Variants in POTEE observed in about 807,000 individuals in gnomAD.
POTEE encodes ANKRD26-like family C member 1A.
In POTEE, 21 loss-of-function variants were observed where a neutral mutation model predicts 74.2. The ratio of observed to expected loss-of-function variants is 0.28; its 90% CI spans 0.20 to 0.41. The LOEUF is 0.41. Ranked by LOEUF, POTEE falls within the 10% of genes least tolerant of loss-of-function variation. POTEE has a pLI of 1.00. For missense variants in POTEE, 525 were observed against 1,158.6 expected (o/e 0.45, Z 7.94); for synonymous variants, 211 against 432.8 (o/e 0.49, Z 6.36).
In POTEE at chr2:131,218,481, T is replaced by C. The variant is rs1559167959; in HGVS notation, c.79T>C (p.Trp27Arg). Residue 27 changes from tryptophan to arginine, a missense_variant, in exon 4 of 18, where the codon TGG (tryptophan) becomes CGG (arginine). By Grantham distance (101) the Trp-to-Arg change is moderately radical. Transcript: ENST00000683005. Reference sequence around the variant, plus strand: ...TGGTCTCAGGAGCAAGATGGGCAAGTGGTGCTGCCGTTGCTTCCCCTGCTA... The same window carrying C: ...TGGTCTCAGGAGCAAGATGGGCAAGCGGTGCTGCCGTTGCTTCCCCTGCTA... Reference protein sequence around the residue: ...PFGLRSKMGKWCCRCFPCYRE... With the variant: ...PFGLRSKMGKRCCRCFPCYRE... The C allele has an allele frequency of 3.1e-6, 5 of 1,613,132 alleles. No homozygotes were observed. In the South Asian group the frequency reaches 5.5e-5, roughly 18 times the overall value.
intron 16 of POTEE, among the ~76,000 whole-genome samples, 173 bp downstream of exon 16, chr2:131,253,272 CATT>C (rs1701489637): frequency 6.7e-6 from 1 of 150,290 alleles, no homozygotes; most frequent in South Asian, 2.1e-4. Context: ...TTTTTCCAGT[CATT>C]AATTTATTTG....
At chr2:131,213,966 C>CA (rs1202772481) in intron 2 of POTEE, among the ~76,000 whole-genome samples, 1 of 151,862 alleles carries the variant, frequency 6.6e-6, no homozygotes, top group Admixed American at 6.6e-5. Flanking sequence ...CATGGTGCCT[C>CA]AGTTTATCCA....
rs1382644599 is a variant in POTEE at position 131,252,364 on chromosome 2, AATT to A, written c.1552-155_1552-153del. On this transcript the variant is annotated intron_variant, in intron 14 of 17. Transcript: ENST00000683005. ...GATTAAAAAGTTAATTCTTAATTTTAATTATTATTTATTTTAACAGTTTAATTT... is the reference window on the plus strand; with the variant it reads ...GATTAAAAAGTTAATTCTTAATTTTAATTATTTATTTTAACAGTTTAATTT... Among the ~76,000 whole-genome samples, 2 of 10,910 alleles carry A rather than the reference AATT, an allele frequency of 1.8e-4. 1 individual carries two copies. Among genetic ancestry groups the A allele is most frequent in the African/African-American group, 5.2e-4 (2 of 3,860 alleles). 7.2% of individuals were successfully genotyped at this position (10,910 alleles called of 152,430 possible).
intron 3 of POTEE, chr2:131,218,015 G>T (rs1700490439): frequency 3.5e-6 from 1 of 285,524 alleles, no homozygotes; most frequent in Non-Finnish European, 6.4e-6. Flanking sequence ...GGCGTTGGTA[G>T]CTTGGATTGA....
At position 131,218,846 on chromosome 2, in the gene POTEE, G is replaced by A. The variant is rs1483714846; in HGVS notation, c.444G>A (p.Trp148Ter). ...EDLDKLHRAA[W>*]WGKVPRKDLI... ...TGGACAAGCTCCACAGAGCTGCCTG[G>A]TGGGGTAAAGTCCCCAGAAAGGATC... is the stretch of plus-strand genomic sequence containing the variant. The change falls in exon 4 of 18, where the codon TGG (tryptophan) becomes TGA (stop). Residue 148 changes from tryptophan to a stop codon, truncating the protein, a stop_gained. Coordinates refer to ENST00000683005, the MANE Select transcript of POTEE (RefSeq NM_001083538.3). LOFTEE classifies it high-confidence loss of function. 6.2e-7 allele frequency: 1 copy of A among 1,612,980 alleles called. No individual in the cohort carries two copies. Among genetic ancestry groups the A allele is most frequent in the Admixed American group, 1.7e-5 (1 of 60,028 alleles).
intron 6 of POTEE, among the ~76,000 whole-genome samples, chr2:131,225,675 C>A (rs1427737434): frequency 2.7e-5 from 4 of 148,470 alleles, no homozygotes; most frequent in African/African-American, 1.0e-4. Flanking sequence ...TCAGATGGTC[C>A]TCCAACCTCA....
At chr2:131,234,051 A>T (rs1158566273) in intron 9 of POTEE, among the ~76,000 whole-genome samples, 1 of 151,104 alleles carries the variant, frequency 6.6e-6, no homozygotes, top group South Asian at 2.1e-4. Flanking sequence ...ACTCTCACTA[A>T]TAAGACTTGT....
At chr2:131,211,697 C>T (rs1433035078) in intron 2 of POTEE, among the ~76,000 whole-genome samples, 38 of 151,176 alleles carry the variant, frequency 2.5e-4, no homozygotes, top group African/African-American at 5.6e-4. Flanking sequence ...GGACTACAGG[C>T]GCCTGCCACC....
At chr2:131,209,933 T>C (rs1469801513) in intron 1 of POTEE, among the ~76,000 whole-genome samples, 114 bp downstream of exon 1, 1 of 142,594 alleles carries the variant, frequency 7.0e-6, no homozygotes, top group Non-Finnish European at 1.5e-5. Flanking sequence ...GGGGGCACTC[T>C]CCGAGGTTGC....
chr2:131,246,483 G>GT (rs1293005638), intron 13 of POTEE, among the ~76,000 whole-genome samples: 1 of 148,082 alleles, frequency 6.8e-6, no homozygotes, highest in African/African-American at 2.6e-5. Flanking sequence ...TGTAAGTTAG[G>GT]TTTTATAAGT....
intron 9 of POTEE, among the ~76,000 whole-genome samples, chr2:131,233,243 A>G (rs1701019157): frequency 6.6e-6 from 1 of 151,936 alleles, no homozygotes; most frequent in South Asian, 2.1e-4. Flanking sequence ...CAGTTGGGCA[A>G]TATTTTAGAC....
At chr2:131,212,795 TTCAAGTGATCCACCTGTC>T (rs1315083444) in intron 2 of POTEE, among the ~76,000 whole-genome samples, 1 of 149,846 alleles carries the variant, frequency 6.7e-6, no homozygotes, top group East Asian at 2.0e-4. Flanking sequence ...AACTCCCGAC[TTCAAGTGATCCACCTGTC>T]TCAGCTTCCC....
chr2:131,219,460 G>C (rs1408779463), intron 4 of POTEE, among the ~76,000 whole-genome samples: 4 of 151,954 alleles, frequency 2.6e-5, no homozygotes, highest in Non-Finnish European at 5.9e-5. Flanking sequence ...GAGCTTTTTG[G>C]CTGGGCGCGG....
chr2:131,211,349 G>A (rs1700353603), intron 2 of POTEE, among the ~76,000 whole-genome samples, 166 bp downstream of exon 2: 1 of 151,572 alleles, frequency 6.6e-6, no homozygotes, highest in South Asian at 2.1e-4. Context: ...GTCCGACCTG[G>A]GGTGGGGAGG....
rs1030328509 is a variant in POTEE, at chr2:131,218,162, C to T, written c.-93-148C>T. On this transcript the variant is annotated intron_variant, in intron 3 of 17. Coordinates refer to ENST00000683005, the MANE Select transcript of POTEE (RefSeq NM_001083538.3). The stretch of plus-strand genomic sequence containing the variant: ...GGGGTTGGCCCTTTCTGGGGTTGGC[C>T]CTTTCTGGGGTGGGCGTGGGGTCGC... 1.1e-5 allele frequency: 10 copies of T among 887,328 alleles called. No homozygotes were observed. The Admixed American group carries it at 1.5e-4, about 14-fold the overall frequency. The allele number at this position is 887,328 out of a possible 1,614,324, so 55.0% of individuals were successfully genotyped here. A position where few individuals can be genotyped will look rare whatever the true frequency, so the allele number is the denominator to read the frequency against.
chr2:131,230,695 A>G, intron 8 of POTEE, 141 bp from the exon 9 acceptor site: 1 of 727,518 alleles, frequency 1.4e-6, no homozygotes, highest in South Asian at 1.9e-5. Flanking sequence ...TGTAGAATGT[A>G]TTCATAAGTG....
intron 4 of POTEE, among the ~76,000 whole-genome samples, chr2:131,221,160 C>G (rs1166699667): frequency 6.6e-6 from 1 of 152,046 alleles, no homozygotes; most frequent in Non-Finnish European, 1.5e-5. Context: ...ACTGAAATAT[C>G]TTTACCAAAT....
chr2:131,264,937 A>G lies in POTEE; in HGVS notation c.*254A>G, dbSNP rs1701864396. Reference sequence around the variant, plus strand: ...GTTCTTCTTTTCAATAGTCATTCCAAATATTGTGAGACGCATTGTTTCAGG... The same window carrying G: ...GTTCTTCTTTTCAATAGTCATTCCAGATATTGTGAGACGCATTGTTTCAGG... On this transcript the variant is annotated 3_prime_UTR_variant, in exon 18 of 18. Coordinates refer to ENST00000683005, the MANE Select transcript of POTEE (RefSeq NM_001083538.3). The G allele has an allele frequency of 3.2e-6, 2 of 623,426 alleles. No individual in the cohort carries two copies. The highest frequency in any genetic ancestry group is 5.6e-6 in the Non-Finnish European group (2 of 359,506). 38.6% of individuals were successfully genotyped at this position (623,426 alleles called of 1,614,324 possible).
At chr2:131,225,237 T>G (rs1386545580) in intron 6 of POTEE, among the ~76,000 whole-genome samples, 1 of 152,098 alleles carries the variant, frequency 6.6e-6, no homozygotes, top group African/African-American at 2.4e-5. Context: ...AGCCTGGATA[T>G]GTATATTTGA....
Sources: gnomAD v4.1 joint callset for allele counts (sites outside exome capture counted in the v4.1 genomes callset) on GRCh38, gnomAD v4.1.1 for gene constraint, MANE v1.5 for transcripts, NCBI Gene and HGNC (gene_info 2026-07-23, HGNC 2026-07-21) for gene names.